ATXN8OS: variants seen among roughly 807,000 people sequenced by gnomAD.
The protein encoded by ATXN8OS is ATXN8 opposite strand lncRNA, also known as ATXN8 opposite strand (non-protein coding).
At chr13:70,155,165 T>G (rs948800299) in intron 4 of ATXN8OS, among the ~76,000 whole-genome samples, 1 of 152,184 alleles carries the variant, frequency 6.6e-6, no homozygotes, top group Non-Finnish European at 1.5e-5. Context: ...AACAGTACCT[T>G]CTCATGGTAA....
chr13:70,142,430 A>G (rs1237643822), intron 3 of ATXN8OS, among the ~76,000 whole-genome samples: 2 of 152,192 alleles, frequency 1.3e-5, no homozygotes, highest in Non-Finnish European at 2.9e-5. Flanking sequence ...AATACAGTTG[A>G]TTCAAAACCT....
chr13:70,139,388 T>TG (rs1888670714), intron 3 of ATXN8OS: 1 of 358,706 alleles, frequency 2.8e-6, no homozygotes, highest in Non-Finnish European at 4.4e-6. Flanking sequence ...CTACTACTGC[T>TG]GCTGCTGCTG....
chr13:70,171,359 T>G (rs1045613500), exon 5 of ATXN8OS, among the ~76,000 whole-genome samples: 1 of 151,522 alleles, frequency 6.6e-6, no homozygotes, highest in African/African-American at 2.4e-5. Context: ...TAGGCTAAAC[T>G]TAATTTAATA....
chr13:70,163,652 T>C (rs1055865611), intron 4 of ATXN8OS, among the ~76,000 whole-genome samples: 20 of 152,150 alleles, frequency 1.3e-4, no homozygotes, highest in African/African-American at 4.8e-4. Flanking sequence ...AAAAAGTCAT[T>C]AAAACCTAGA....
intron 2 of ATXN8OS, among the ~76,000 whole-genome samples, chr13:70,118,643 C>T: frequency 6.6e-6 from 1 of 151,942 alleles, no homozygotes; most frequent in South Asian, 2.1e-4. Context: ...AGTAAGCTAA[C>T]TTTTCTACAC....
intron 2 of ATXN8OS, among the ~76,000 whole-genome samples, chr13:70,127,803 TTCAGAA>T (rs1177783425): frequency 6.6e-6 from 1 of 152,114 alleles, no homozygotes; most frequent in Admixed American, 6.6e-5. Context: ...CATTTCAGTT[TTCAGAA>T]TTATCCAAGC....
intron 3 of ATXN8OS, among the ~76,000 whole-genome samples, chr13:70,138,096 C>T (rs1335568099): frequency 6.6e-6 from 1 of 152,214 alleles, no homozygotes; most frequent in African/African-American, 2.4e-5. Context: ...CAAATCCCTC[C>T]TCCAACATTG....
At chr13:70,123,177 T>C (rs1172323823) in intron 2 of ATXN8OS, among the ~76,000 whole-genome samples, 1 of 152,076 alleles carries the variant, frequency 6.6e-6, no homozygotes, top group African/African-American at 2.4e-5. Context: ...CCAGATACTA[T>C]AGATAGAAAA....
At chr13:70,151,446 T>C (rs1001283776) in intron 4 of ATXN8OS, among the ~76,000 whole-genome samples, 1 of 152,090 alleles carries the variant, frequency 6.6e-6, no homozygotes, top group Non-Finnish European at 1.5e-5. Flanking sequence ...TTCATCTATT[T>C]TTGCTGTAAA....
chr13:70,120,752 T>C (rs1484901961), intron 2 of ATXN8OS, among the ~76,000 whole-genome samples: 5 of 152,102 alleles, frequency 3.3e-5, no homozygotes. Flanking sequence ...TAAAAAATGA[T>C]GAGTTCATGT....
At chr13:70,157,402 T>C (rs1888950725) in intron 4 of ATXN8OS, among the ~76,000 whole-genome samples, 1 of 152,040 alleles carries the variant, frequency 6.6e-6, no homozygotes, top group South Asian at 2.1e-4. Flanking sequence ...ATCTAGAATG[T>C]GACTCTTTCA....
chr13:70,134,472 T>G (rs17751074), intron 3 of ATXN8OS, among the ~76,000 whole-genome samples: 2,566 of 152,180 alleles, frequency 0.017, 32 homozygotes, highest in Non-Finnish European at 0.028. Context: ...CTTGCCTTCA[T>G]AGAAAGGATG....
chr13:70,148,881 G>A (rs1250978480), intron 4 of ATXN8OS, among the ~76,000 whole-genome samples: 1 of 152,122 alleles, frequency 6.6e-6, no homozygotes, highest in Non-Finnish European at 1.5e-5. Flanking sequence ...AAAGATTACA[G>A]CAGGGTATAG....
At chr13:70,144,342 T>C (rs1733734635) in intron 3 of ATXN8OS, among the ~76,000 whole-genome samples, 1 of 152,136 alleles carries the variant, frequency 6.6e-6, no homozygotes, top group African/African-American at 2.4e-5. Context: ...TTGTCATTAC[T>C]AATTTTTTGA....
At chr13:70,119,281 A>G (rs1471905331) in intron 2 of ATXN8OS, among the ~76,000 whole-genome samples, 2 of 152,176 alleles carry the variant, frequency 1.3e-5, no homozygotes, top group African/African-American at 4.8e-5. Flanking sequence ...GTTCTCTAGC[A>G]ATCACACAGT....
chr13:70,115,545 G>A (rs9599551), intron 2 of ATXN8OS, among the ~76,000 whole-genome samples: 1 of 151,800 alleles, frequency 6.6e-6, no homozygotes, highest in African/African-American at 2.4e-5. Context: ...TGGTTTTTTT[G>A]GGGGGGCAAC....
At chr13:70,131,609 C>T in intron 3 of ATXN8OS, 1 of 397,360 alleles carries the variant, frequency 2.5e-6, no homozygotes. Context: ...CAGTTCAGTT[C>T]ATTCTCCTCC....
chr13:70,115,313 T>C, intron 2 of ATXN8OS: 1 of 398,066 alleles, frequency 2.5e-6, no homozygotes, highest in Non-Finnish European at 4.4e-6. Flanking sequence ...GTCCATTTTA[T>C]AATGTCATTA....
intron 4 of ATXN8OS, among the ~76,000 whole-genome samples, chr13:70,167,313 T>G (rs1196930546): frequency 1.3e-5 from 2 of 152,108 alleles, no homozygotes; most frequent in Non-Finnish European, 2.9e-5. Flanking sequence ...ATATACATCA[T>G]GGAATACTAT....
Sources: gnomAD v4.1 joint callset for allele counts (sites outside exome capture counted in the v4.1 genomes callset) on GRCh38, gnomAD v4.1.1 for gene constraint, MANE v1.5 for transcripts, NCBI Gene and HGNC (gene_info 2026-07-23, HGNC 2026-07-21) for gene names.